BRSK2: variants seen among roughly 807,000 people sequenced by gnomAD.
BRSK2 encodes the protein BR serine/threonine kinase 2.
BRSK2 carries 19 observed loss-of-function variants against 83.3 expected under a neutral mutation model. The observed-to-expected ratio is 0.23, with a 90% CI of 0.16 to 0.33. The LOEUF (loss-of-function observed/expected upper bound fraction) is 0.33, where lower values mean the gene tolerates loss of function less well. Among genes scored for constraint, BRSK2 ranks in the 10% least tolerant of loss-of-function variants. BRSK2 has a pLI of 1.00. For missense variants in BRSK2, 798 were observed against 1,042.3 expected, an observed-to-expected ratio of 0.77 and a Z score of 3.23; for synonymous variants, 519 against 435.4, an observed-to-expected ratio of 1.19 and a Z score of -2.39.
At chr11:1,398,186 A>G (rs530559942) in intron 1 of BRSK2, among the ~76,000 whole-genome samples, 138 of 152,140 alleles carry the variant, frequency 9.1e-4, no homozygotes, top group African/African-American at 3.2e-3. Context: ...GGGTCAGGAT[A>G]GGGGCTGGGG....
chr11:1,411,423 C>T lies in BRSK2; in HGVS notation c.91+21048C>T, dbSNP rs954977466. On this transcript the variant is annotated intron_variant, in intron 1 of 19. Coordinates refer to ENST00000528841, the MANE Select transcript of BRSK2 (RefSeq NM_001256627.2). ...TCACCCCATGAGCCCTGAGGGCCAC[C>T]CCAGCCGATGGGCACGTCCCCGCCG... The T allele has an allele frequency of 2.0e-5, 29 of 1,468,114 alleles. 1 individual carries two copies. The highest frequency in any genetic ancestry group is 1.3e-4 in the Admixed American group (5 of 40,000). 90.9% of individuals were successfully genotyped at this position (1,468,114 alleles called of 1,614,324 possible).
chr11:1,441,281 C>T (rs1195655197), intron 4 of BRSK2, among the ~76,000 whole-genome samples: 2 of 61,590 alleles, frequency 3.2e-5, no homozygotes, highest in Non-Finnish European at 7.1e-5. Flanking sequence ...ACCCTCCCCC[C>T]CATTAGCTGC....
At chr11:1,450,846 G>A in intron 14 of BRSK2, 52 bp downstream of exon 14, 2 of 1,503,202 alleles carry the variant, frequency 1.3e-6, no homozygotes, top group East Asian at 2.5e-5. Flanking sequence ...AGCAGAGGCT[G>A]CCTTGGGGAG....
In BRSK2 at chr11:1,389,981, G is replaced by C. The variant is rs1845621457; in HGVS notation, c.-304G>C. On this transcript the variant is annotated 5_prime_UTR_variant, in exon 1 of 20. Transcript: ENST00000528841. The surrounding 1 kb of genome is among the most constrained non-coding windows in gnomAD (Gnocchi z 4.1). ...GCTGACGGGCGTGCGCTGGGGGCGC[G>C]GGGCGCGGGGCGCGGGCCTCGGCGG... The C allele has an allele frequency of 6.8e-6, 1 of 147,440 alleles. No individual in the cohort carries two copies. The highest frequency in any genetic ancestry group is 6.8e-5 in the Admixed American group (1 of 14,714). The allele number at this position is 147,440 out of a possible 1,614,324, so 9.1% of individuals were successfully genotyped here. A position where few individuals can be genotyped will look rare whatever the true frequency, so the allele number is the denominator to read the frequency against.
At chr11:1,421,822 C>T (rs1848656598) in intron 1 of BRSK2, among the ~76,000 whole-genome samples, 1 of 152,182 alleles carries the variant, frequency 6.6e-6, no homozygotes, top group Admixed American at 6.5e-5. Context: ...GCTTCAATGT[C>T]TGTGGCAACT....
intron 1 of BRSK2, among the ~76,000 whole-genome samples, chr11:1,408,968 GT>G (rs1295793814): frequency 3.5e-4 from 40 of 115,762 alleles, no homozygotes; most frequent in African/African-American, 1.0e-3. Flanking sequence ...GCCTGTGCAG[GT>G]GTGTGTGTGT....
In BRSK2 at chr11:1,449,832, C is replaced by T. The variant is rs1407986386; in HGVS notation, c.1283C>T (p.Pro428Leu). The T allele has an allele frequency of 1.9e-6, 3 of 1,610,480 alleles. No individual in the cohort carries two copies. Among genetic ancestry groups the T allele is most frequent in the African/African-American group, 1.3e-5 (1 of 74,796 alleles). The change falls in exon 13 of 20, where the codon CCC becomes CTC. Residue 428 changes from proline (P) to leucine (L), a missense_variant. By Grantham distance (98) the Pro-to-Leu change is moderately conservative (BLOSUM62 -3). Coordinates refer to ENST00000528841, the MANE Select transcript of BRSK2 (RefSeq NM_001256627.2). The part of the protein sequence containing the change: ...SGLSTSPLSS[P>L]RVTPHPSPRG... Reference sequence around the variant, plus strand: ...CTTTCCACCAGCCCACTCAGCAGCCCCCGGGTGAGTGACCCCCCGCCCCCA... The same window carrying T: ...CTTTCCACCAGCCCACTCAGCAGCCTCCGGGTGAGTGACCCCCCGCCCCCA...
At chr11:1,426,936 C>T (rs117764428) in intron 1 of BRSK2, among the ~76,000 whole-genome samples, 25,858 of 152,064 alleles carry the variant, frequency 0.17, 2,922 homozygotes, top group Non-Finnish European at 0.23. Flanking sequence ...GATGGGGGGG[C>T]GGCACCCCAG....
In BRSK2 at chr11:1,449,821, A is replaced by C; in HGVS notation, c.1272A>C (p.Pro424=). The C allele has an allele frequency of 6.2e-7, 1 of 1,611,234 alleles. No individual in the cohort carries two copies. Residue 424 remains proline (P), a synonymous_variant, in exon 13 of 20, where the codon CCA becomes CCC. Coordinates refer to ENST00000528841, the MANE Select transcript of BRSK2 (RefSeq NM_001256627.2). ...CCTCCTCAGGCCTTTCCACCAGCCC[A>C]CTCAGCAGCCCCCGGGTGAGTGACC... The part of the protein sequence containing the change: ...SGASSGLSTS[P]LSSPRVTPHP...
chr11:1,459,158 A>C (rs764697330), intron 18 of BRSK2, 34 bp from the exon 19 acceptor site: 70 of 1,602,556 alleles, frequency 4.4e-5, no homozygotes, highest in Admixed American at 2.9e-4. Context: ...CCTTTCACTC[A>C]CTCCCTCCCT....
chr11:1,439,780 A>G (rs1383890663), intron 3 of BRSK2, among the ~76,000 whole-genome samples: 6 of 135,464 alleles, frequency 4.4e-5, no homozygotes, highest in Non-Finnish European at 9.6e-5. Flanking sequence ...CTCTGCCCTG[A>G]GGGCTTCACA....
chr11:1,406,840 G>T, intron 1 of BRSK2, among the ~76,000 whole-genome samples: 1 of 152,254 alleles, frequency 6.6e-6, no homozygotes, highest in East Asian at 1.9e-4. Flanking sequence ...CCTCCACGAG[G>T]TACACGCATG....
At chr11:1,457,523 G>C (rs1477575583) in intron 18 of BRSK2, among the ~76,000 whole-genome samples, 1 of 152,178 alleles carries the variant, frequency 6.6e-6, no homozygotes, top group Admixed American at 6.5e-5. Context: ...GTGTGGTGGG[G>C]GCAGGGCGGA....
intron 1 of BRSK2, among the ~76,000 whole-genome samples, chr11:1,424,740 G>A (rs1359354476): frequency 6.6e-6 from 1 of 152,000 alleles, no homozygotes; most frequent in South Asian, 2.1e-4. Context: ...AGGGAGTCGG[G>A]GGGGCCAGGC....
intron 12 of BRSK2, among the ~76,000 whole-genome samples, chr11:1,447,049 C>G (rs773793391): frequency 6.6e-5 from 10 of 152,100 alleles, no homozygotes; most frequent in Admixed American, 2.0e-4. Flanking sequence ...GCTCCCAGGC[C>G]ATGGCCCCCT....
intron 18 of BRSK2, chr11:1,456,966 C>A (rs1459785800): frequency 6.3e-7 from 1 of 1,597,332 alleles, no homozygotes; most frequent in Non-Finnish European, 8.5e-7. Context: ...ACCCCCCCCA[C>A]CAGCGCCAGG....
Position 1,390,308 on chromosome 11 carries a change from C to A in BRSK2, c.24C>A (p.Gly8=). The change falls in exon 1 of 20, where the codon GGC becomes GGA. Residue 8 remains glycine, a synonymous_variant. Coordinates refer to ENST00000528841, the MANE Select transcript of BRSK2 (RefSeq NM_001256627.2). The surrounding 1 kb of genome is among the most constrained non-coding windows in gnomAD (Gnocchi z 6.8). MTSTGKD[G]GAQHAQYVGP... ...CGATGACATCGACGGGGAAGGACGG[C>A]GGCGCGCAGCACGCGCAGTATGTTG... is the stretch of plus-strand genomic sequence containing the variant. 1 of 1,041,562 alleles carries A rather than the reference C, an allele frequency of 9.6e-7. No homozygotes were observed. Among genetic ancestry groups the A allele is most frequent in the East Asian group, 7.9e-5 (1 of 12,642 alleles). 64.5% of individuals were successfully genotyped at this position (1,041,562 alleles called of 1,614,324 possible). A position where few individuals can be genotyped will look rare whatever the true frequency, so the allele number is the denominator to read the frequency against.
intron 1 of BRSK2, among the ~76,000 whole-genome samples, chr11:1,434,581 G>T (rs557069428): frequency 4.4e-4 from 64 of 146,720 alleles, no homozygotes; most frequent in African/African-American, 1.6e-3. Flanking sequence ...GTGTCTGGGG[G>T]CACCCAGGAG....
At chr11:1,402,140 G>A (rs796262162) in intron 1 of BRSK2, among the ~76,000 whole-genome samples, 14 of 152,334 alleles carry the variant, frequency 9.2e-5, no homozygotes, top group African/African-American at 2.9e-4. Context: ...GTGGGTGCCG[G>A]AGAGCAGGCA....
Sources: gnomAD v4.1 joint callset for allele counts (sites outside exome capture counted in the v4.1 genomes callset) on GRCh38, gnomAD v4.1.1 for gene constraint, Gnocchi (gnomAD v3.1) non-coding constraint, MANE v1.5 for transcripts, NCBI Gene and HGNC (gene_info 2026-07-23, HGNC 2026-07-21) for gene names.